Variants in PCDHA11 observed in about 807,000 individuals in gnomAD.
PCDHA11 encodes the protein protocadherin alpha 11, also known as protocadherin alpha-11.
A neutral mutation model predicts 70.3 loss-of-function variants in PCDHA11; 61 were observed. The observed-to-expected ratio is 0.87, with a 90% CI of 0.71 to 1.07. The LOEUF (loss-of-function observed/expected upper bound fraction) is 1.07. Ranked by LOEUF, PCDHA11 falls within the 50% of genes least tolerant of loss-of-function variation. The pLI, the probability that PCDHA11 is intolerant of heterozygous loss-of-function variation, is 0.00. For synonymous variants in PCDHA11, 633 were observed against 555.1 expected (o/e 1.14, Z -1.97); for missense variants, 1,324 against 1,237.5 (o/e 1.07, Z -1.05).
intron 1 of PCDHA11, among the ~76,000 whole-genome samples, chr5:140,893,950 T>A (rs1244558882): frequency 6.6e-6 from 1 of 152,206 alleles, no homozygotes; most frequent in Non-Finnish European, 1.5e-5. Flanking sequence ...TCTGCATGAC[T>A]TTATTAGTCA....
chr5:140,943,529 A>C (rs1291911076), intron 1 of PCDHA11, among the ~76,000 whole-genome samples: 1 of 152,220 alleles, frequency 6.6e-6, no homozygotes, highest in Non-Finnish European at 1.5e-5. Flanking sequence ...TCAGTATGCA[A>C]AATGTCATGT....
chr5:140,961,263 T>A (rs782231630), intron 1 of PCDHA11, among the ~76,000 whole-genome samples: 1 of 152,218 alleles, frequency 6.6e-6, no homozygotes, highest in Non-Finnish European at 1.5e-5. Flanking sequence ...TCCAGGAAGC[T>A]TCTTTTTACC....
At chr5:141,005,985 T>C (rs2098249971) in intron 3 of PCDHA11, among the ~76,000 whole-genome samples, 1 of 151,848 alleles carries the variant, frequency 6.6e-6, no homozygotes, top group Non-Finnish European at 1.5e-5. Context: ...AAAGAGTGTT[T>C]GAGGATCTGA....
intron 1 of PCDHA11, among the ~76,000 whole-genome samples, chr5:140,874,551 T>C (rs1418780563): frequency 6.6e-6 from 1 of 152,222 alleles, no homozygotes; most frequent in African/African-American, 2.4e-5. Flanking sequence ...CTTTAAGAGA[T>C]CTTTCGCATT....
At chr5:140,967,823 G>A in intron 1 of PCDHA11, 2 of 1,614,162 alleles carry the variant, frequency 1.2e-6, no homozygotes, top group Non-Finnish European at 8.5e-7. Context: ...CAAGGTGCTG[G>A]TGGACATCGT....
chr5:140,897,947 T>G (rs1276045551), intron 1 of PCDHA11, among the ~76,000 whole-genome samples: 14 of 152,168 alleles, frequency 9.2e-5, no homozygotes, highest in African/African-American at 3.4e-4. Context: ...CAGTGATGAT[T>G]AGCATTTTTT....
In PCDHA11 at chr5:140,893,407, C is replaced by T. The variant is rs782798159; in HGVS notation, c.2391+21913C>T. Among the ~76,000 whole-genome samples, 300 of 152,168 alleles carry T rather than the reference C, an allele frequency of 2.0e-3. 2 individuals are homozygous for T. The highest frequency in any genetic ancestry group is 3.7e-3 in the Non-Finnish European group (250 of 67,998). The stretch of plus-strand genomic sequence containing the variant: ...GTGGCTCATGCCTGTAATCCCAGCA[C>T]TTAGGGAGGCAGAGGCAGGAAGATC... On this transcript the variant is annotated intron_variant, in intron 1 of 3. Transcript: ENST00000398640.
chr5:140,885,792 C>T (rs2060715375), intron 1 of PCDHA11, among the ~76,000 whole-genome samples: 1 of 151,834 alleles, frequency 6.6e-6, no homozygotes, highest in Non-Finnish European at 1.5e-5. Context: ...AGCATATTGT[C>T]ATATGTATTT....
rs781841032 is a variant in PCDHA11 at position 140,870,708 on chromosome 5, C to T, written c.1605C>T (p.Ser535=). The T allele has an allele frequency of 2.5e-6, 4 of 1,612,898 alleles. No homozygotes were observed. Among genetic ancestry groups the T allele is most frequent in the Admixed American group, 1.7e-5 (1 of 59,996 alleles). The change falls in exon 1 of 4, where the codon AGC becomes AGT. Residue 535 remains serine (S), a synonymous_variant. Coordinates refer to ENST00000398640, the MANE Select transcript of PCDHA11 (RefSeq NM_018902.5). ...TGGAGCTGCTACAGTTCCAGGTGAG[C>T]GCGCGCGATGCGGGCGTGCCGCCTC... ...EELELLQFQV[S]ARDAGVPPLS...
At chr5:140,962,191 T>C (rs2095664022) in intron 1 of PCDHA11, among the ~76,000 whole-genome samples, 1 of 152,210 alleles carries the variant, frequency 6.6e-6, no homozygotes, top group African/African-American at 2.4e-5. Flanking sequence ...ATCACTTTTA[T>C]GCTTCCTATC....
intron 1 of PCDHA11, among the ~76,000 whole-genome samples, chr5:140,958,627 T>C (rs1183042351): frequency 6.6e-6 from 1 of 152,128 alleles, no homozygotes; most frequent in African/African-American, 2.4e-5. Flanking sequence ...AGCTTGAGAG[T>C]ACTGCAGAAA....
chr5:140,941,214 C>CTTCCTTTCTTTCTTTCTTT (rs1554214039), intron 1 of PCDHA11, among the ~76,000 whole-genome samples: 1 of 122,414 alleles, frequency 8.2e-6, no homozygotes, highest in Non-Finnish European at 1.7e-5. Context: ...TTTCTTTCTT[C>CTTCCTTTCTTTCTTTCTTT]CTTTCTTTCT....
chr5:140,927,137 A>T, intron 1 of PCDHA11: 1 of 1,614,052 alleles, frequency 6.2e-7, no homozygotes, highest in Non-Finnish European at 8.5e-7. Context: ...GAGCCGGCGG[A>T]CCGCGAACAG....
intron 1 of PCDHA11, among the ~76,000 whole-genome samples, chr5:140,908,084 T>G (rs2073791096): frequency 6.6e-6 from 1 of 152,202 alleles, no homozygotes; most frequent in Non-Finnish European, 1.5e-5. Context: ...CACAACCAGG[T>G]GCACTGATTG....
At chr5:140,927,295 G>T (rs1343982131) in intron 1 of PCDHA11, 2 of 1,614,032 alleles carry the variant, frequency 1.2e-6, no homozygotes, top group African/African-American at 2.7e-5. Context: ...GCACATCCCC[G>T]AGTTCCTGAC....
chr5:140,886,697 G>A (rs1230801248), intron 1 of PCDHA11, among the ~76,000 whole-genome samples: 4 of 151,750 alleles, frequency 2.6e-5, no homozygotes. Context: ...ATGGTGGCAC[G>A]CGCCTGTAAT....
chr5:140,994,658 T>C (rs2097643677), intron 3 of PCDHA11, among the ~76,000 whole-genome samples: 1 of 152,024 alleles, frequency 6.6e-6, no homozygotes, highest in African/African-American at 2.4e-5. Flanking sequence ...TGAGCTGAGA[T>C]CACACTACTG....
chr5:140,967,229 C>T, intron 1 of PCDHA11: 2 of 1,613,760 alleles, frequency 1.2e-6, no homozygotes, highest in East Asian at 2.2e-5. Flanking sequence ...CAACTACCAG[C>T]TTCAGGTAAG....
In PCDHA11 at chr5:140,877,219, C is replaced by T. The variant is rs200698690; in HGVS notation, c.2391+5725C>T. 9 of 1,613,720 alleles carry T rather than the reference C, an allele frequency of 5.6e-6. No homozygotes were observed. Among genetic ancestry groups the T allele is most frequent in the East Asian group, 4.5e-5 (2 of 44,860 alleles). Reference sequence around the variant, plus strand: ...AGGCGCAGTTAGCGAGTTGGTACCGCGGTCGGTGGGTGCGGGCCACGTGGT... The same window carrying T: ...AGGCGCAGTTAGCGAGTTGGTACCGTGGTCGGTGGGTGCGGGCCACGTGGT... On this transcript the variant is annotated intron_variant, in intron 1 of 3. Transcript: ENST00000398640.
Sources: gnomAD v4.1 joint callset for allele counts (sites outside exome capture counted in the v4.1 genomes callset) on GRCh38, gnomAD v4.1.1 for gene constraint, MANE v1.5 for transcripts, NCBI Gene and HGNC (gene_info 2026-07-23, HGNC 2026-07-21) for gene names.